The following TTC39B variants were observed in gnomAD, a reference collection of about 807,000 sequenced individuals.
The protein encoded by TTC39B is tetratricopeptide repeat domain 39B.
TTC39B carries 92 observed loss-of-function variants against 96.6 expected under a neutral mutation model. The ratio of observed to expected loss-of-function variants is 0.95; its 90% CI spans 0.80 to 1.13. TTC39B has a LOEUF of 1.13. Among genes scored for constraint, TTC39B ranks in the 50% most tolerant of loss-of-function variants. TTC39B has a pLI of 0.00. For synonymous variants in TTC39B, 367 were observed against 299.4 expected (o/e 1.23, Z -2.33); for missense variants, 955 against 809.3 (o/e 1.18, Z -2.18).
intron 5 of TTC39B, among the ~76,000 whole-genome samples, chr9:15,211,002 A>G (rs963728603): frequency 6.6e-6 from 1 of 152,174 alleles, no homozygotes; most frequent in Non-Finnish European, 1.5e-5. Context: ...TGTCATCTAC[A>G]TTGAGAGATG....
chr9:15,304,244 G>T (rs1334594481), intron 1 of TTC39B, among the ~76,000 whole-genome samples: 1 of 152,158 alleles, frequency 6.6e-6, no homozygotes, highest in East Asian at 1.9e-4. Context: ...AAATTTGTTG[G>T]ATTGACCTTG....
At chr9:15,225,600 G>T (rs1025697713) in intron 3 of TTC39B, among the ~76,000 whole-genome samples, 4 of 151,986 alleles carry the variant, frequency 2.6e-5, no homozygotes, top group Admixed American at 6.6e-5. Context: ...CCAATGTTTG[G>T]CAGTGTGATT....
chr9:15,223,543 C>G (rs370152621), intron 3 of TTC39B, among the ~76,000 whole-genome samples: 1 of 152,142 alleles, frequency 6.6e-6, no homozygotes, highest in African/African-American at 2.4e-5. Context: ...TGAGGTATGG[C>G]GCTATCATTT....
At chr9:15,206,973 G>A (rs1819898051) in intron 6 of TTC39B, among the ~76,000 whole-genome samples, 1 of 152,164 alleles carries the variant, frequency 6.6e-6, no homozygotes, top group Admixed American at 6.5e-5. Flanking sequence ...TCTCATGACA[G>A]TGAGTGAGTT....
chr9:15,173,977 C>T (rs1395119401), intron 19 of TTC39B, among the ~76,000 whole-genome samples: 1 of 152,168 alleles, frequency 6.6e-6, no homozygotes, highest in Non-Finnish European at 1.5e-5. Flanking sequence ...TGTTCACTAA[C>T]TGTGACTTCT....
At chr9:15,218,127 G>C (rs975979209) in intron 3 of TTC39B, among the ~76,000 whole-genome samples, 3 of 133,772 alleles carry the variant, frequency 2.2e-5, no homozygotes, top group Non-Finnish European at 4.6e-5. Context: ...CTGAGATCGC[G>C]CCACTGCATT....
Position 15,271,027 on chromosome 9 carries a change from C to T in TTC39B, c.241-3079G>A, listed in dbSNP as rs538359466. On this transcript the variant is annotated intron_variant, in intron 1 of 19. Coordinates refer to ENST00000512701, the Ensembl canonical transcript of TTC39B. ...AGCCAGTTGTAGTTTAATTACTTGC[C>T]CAACATTACACAGTGAAGAAACTGG... is the stretch of plus-strand genomic sequence containing the variant. Among the ~76,000 whole-genome samples, 38 of 150,932 alleles carry T rather than the reference C, an allele frequency of 2.5e-4. 1 individual carries two copies. Among genetic ancestry groups the T allele is most frequent in the Admixed American group, 2.4e-3 (37 of 15,236 alleles).
At chr9:15,270,685 T>A (rs997185787) in intron 1 of TTC39B, among the ~76,000 whole-genome samples, 2 of 150,266 alleles carry the variant, frequency 1.3e-5, no homozygotes, top group African/African-American at 2.5e-5. Context: ...GAGGCTGAGG[T>A]AGAAGGATGG....
At chr9:15,204,392 G>A (rs747057075) in intron 6 of TTC39B, among the ~76,000 whole-genome samples, 13 of 152,050 alleles carry the variant, frequency 8.5e-5, no homozygotes, top group Non-Finnish European at 1.5e-4. Context: ...AGCCAGGCGT[G>A]GTGGCACATG....
intron 2 of TTC39B, among the ~76,000 whole-genome samples, chr9:15,227,071 C>T (rs1266115708): frequency 6.6e-6 from 1 of 152,000 alleles, no homozygotes; most frequent in East Asian, 1.9e-4. Flanking sequence ...CTTTGGGAGG[C>T]CGAGGCAGGT....
chr9:15,251,152 C>T (rs546007747), intron 2 of TTC39B, among the ~76,000 whole-genome samples: 5 of 151,718 alleles, frequency 3.3e-5, no homozygotes, highest in East Asian at 2.0e-4. Context: ...GCCAAGATTG[C>T]GCCACTGCAC....
intron 9 of TTC39B, among the ~76,000 whole-genome samples, chr9:15,191,721 C>A (rs948376538): frequency 6.6e-6 from 1 of 152,154 alleles, no homozygotes; most frequent in Non-Finnish European, 1.5e-5. Flanking sequence ...GTGGGCAGAA[C>A]CCTGGGCAGT....
chr9:15,232,988 C>A (rs564803416), intron 2 of TTC39B, among the ~76,000 whole-genome samples: 1 of 152,144 alleles, frequency 6.6e-6, no homozygotes, highest in Non-Finnish European at 1.5e-5. Flanking sequence ...TCAAACACTG[C>A]ATACACAGAG....
At chr9:15,237,540 G>A (rs1248601780) in intron 2 of TTC39B, among the ~76,000 whole-genome samples, 1 of 151,500 alleles carries the variant, frequency 6.6e-6, no homozygotes, top group East Asian at 1.9e-4. Flanking sequence ...AGAGGAAATG[G>A]ATAAATTCCT....
chr9:15,216,098 CAG>C (rs1370806883), intron 3 of TTC39B, among the ~76,000 whole-genome samples: 1 of 152,132 alleles, frequency 6.6e-6, no homozygotes, highest in East Asian at 1.9e-4. Flanking sequence ...TAATCTAACG[CAG>C]AGCAGCCTGG....
At chr9:15,226,647 T>A (rs973213292) in intron 2 of TTC39B, among the ~76,000 whole-genome samples, 3 of 152,222 alleles carry the variant, frequency 2.0e-5, no homozygotes, top group Non-Finnish European at 2.9e-5. Context: ...AGTACTTTAT[T>A]TTTAATAAAC....
At chr9:15,214,321 T>TGC in intron 3 of TTC39B, 72 bp from the exon 4 acceptor site, 1 of 724,622 alleles carries the variant, frequency 1.4e-6, no homozygotes, top group Non-Finnish European at 2.3e-6. Context: ...AGGGAGTGTG[T>TGC]GTGTGTGTGT....
At chr9:15,220,997 A>G (rs2131385824) in intron 3 of TTC39B, among the ~76,000 whole-genome samples, 1 of 152,342 alleles carries the variant, frequency 6.6e-6, no homozygotes, top group East Asian at 1.9e-4. Flanking sequence ...CCGAGTTCTC[A>G]GTGCATGATA....
chr9:15,231,309 G>A (rs1206825959), intron 2 of TTC39B, among the ~76,000 whole-genome samples: 2 of 151,946 alleles, frequency 1.3e-5, no homozygotes, highest in East Asian at 3.9e-4. Flanking sequence ...CACCATGCCC[G>A]GCCAGCTATG....
Sources: gnomAD v4.1 joint callset for allele counts (sites outside exome capture counted in the v4.1 genomes callset) on GRCh38, gnomAD v4.1.1 for gene constraint, MANE v1.5 for transcripts, NCBI Gene and HGNC (gene_info 2026-07-23, HGNC 2026-07-21) for gene names.